RBFOX1: variants seen among roughly 807,000 people sequenced by gnomAD.
The protein encoded by RBFOX1 is RNA binding protein fox-1 homolog 1.
RBFOX1 carries 8 observed loss-of-function variants against 57.7 expected under a neutral mutation model. That is an observed-to-expected ratio of 0.14 (90% confidence interval 0.08 to 0.25). The LOEUF is 0.25. RBFOX1 is among the 10% of genes least tolerant of loss of function. The pLI is 1.00. For synonymous variants in RBFOX1, 326 were observed against 222.4 expected, an observed-to-expected ratio of 1.47 and a Z score of -4.15; for missense variants, 611 against 548.5, an observed-to-expected ratio of 1.11 and a Z score of -1.14.
chr16:6,940,777 TGTGTGTGTGTGTGTGTGTGTG>T (rs2078257801), intron 3 of RBFOX1, among the ~76,000 whole-genome samples: 1 of 109,258 alleles, frequency 9.2e-6, no homozygotes, highest in South Asian at 3.7e-4. Flanking sequence ...TGTGTGTGTG[TGTGTGTGTGTGTGTGTGTGTG>T]TGTGTGTGTG....
intron 3 of RBFOX1, among the ~76,000 whole-genome samples, chr16:5,627,934 G>A (rs1567317619): frequency 6.6e-6 from 1 of 152,182 alleles, no homozygotes; most frequent in African/African-American, 2.4e-5. Context: ...AAATGATTGT[G>A]CCTAATTAAA....
At chr16:7,222,011 A>G (rs911994023) in intron 4 of RBFOX1, among the ~76,000 whole-genome samples, 5 of 152,356 alleles carry the variant, frequency 3.3e-5, no homozygotes, top group African/African-American at 7.2e-5. Context: ...TTTTACCATT[A>G]TTAGCCAGCC....
chr16:5,527,221 G>A (rs1006496598), intron 2 of RBFOX1, among the ~76,000 whole-genome samples: 8 of 152,132 alleles, frequency 5.3e-5, no homozygotes, highest in South Asian at 2.1e-4. Flanking sequence ...ATGAGGACCC[G>A]CGATGGGCCC....
At chr16:7,058,853 C>T (rs150124426) in intron 4 of RBFOX1, among the ~76,000 whole-genome samples, 1 of 151,996 alleles carries the variant, frequency 6.6e-6, no homozygotes, top group Non-Finnish European at 1.5e-5. Context: ...AAATGGGTTG[C>T]TTTAAAGATA....
intron 1 of RBFOX1, among the ~76,000 whole-genome samples, chr16:6,239,143 C>T (rs1456562098): frequency 6.6e-6 from 1 of 152,140 alleles, no homozygotes; most frequent in Non-Finnish European, 1.5e-5. Context: ...ACACTGTCCA[C>T]CATCATGTCG....
At chr16:6,587,169 T>G (rs1302577884) in intron 2 of RBFOX1, among the ~76,000 whole-genome samples, 3 of 152,198 alleles carry the variant, frequency 2.0e-5, no homozygotes, top group African/African-American at 7.2e-5. Context: ...CATTGACTAA[T>G]GTCTCCCCAG....
chr16:7,624,029 G>A (rs2059706738), intron 10 of RBFOX1, among the ~76,000 whole-genome samples: 3 of 152,326 alleles, frequency 2.0e-5, no homozygotes, highest in South Asian at 2.1e-4. Context: ...ATGAGTGACA[G>A]TGTAGGAACC....
chr16:6,169,801 A>G (rs1195053750), intron 1 of RBFOX1, among the ~76,000 whole-genome samples: 2 of 151,852 alleles, frequency 1.3e-5, no homozygotes, highest in African/African-American at 2.4e-5. Flanking sequence ...GTCTCCCTCT[A>G]TCACCCAGGC....
chr16:6,650,964 A>G lies in RBFOX1; in HGVS notation c.-63-3639A>G, dbSNP rs555665655. On this transcript the variant is annotated intron_variant, in intron 2 of 15. Transcript: ENST00000550418. Reference sequence around the variant, plus strand: ...GTTGCCCAGGCTGAAGTGCAATGGCATGATCCCGGCTTACTGCATCCTCCG... The same window carrying G: ...GTTGCCCAGGCTGAAGTGCAATGGCGTGATCCCGGCTTACTGCATCCTCCG... Among the ~76,000 whole-genome samples the G allele has an allele frequency of 2.7e-4, 41 of 152,270 alleles. No homozygotes were observed. In the East Asian group the frequency reaches 7.4e-3, roughly 27 times the overall value.
intron 3 of RBFOX1, among the ~76,000 whole-genome samples, chr16:5,822,123 A>G (rs1169582614): frequency 6.6e-6 from 1 of 152,262 alleles, no homozygotes; most frequent in Admixed American, 6.5e-5. Flanking sequence ...ATGAATTAAC[A>G]GCATTTGCAA....
rs1163862702 is a variant in RBFOX1, at chr16:7,006,550, AG to A, written c.-15-45506del. 2.1e-4 allele frequency among the ~76,000 whole-genome samples: 32 copies of A among 152,094 alleles called. 1 individual carries two copies. The highest frequency in any genetic ancestry group is 6.5e-4 in the African/African-American group (27 of 41,424). ...CTGTAGCCTCGAACTCCTGGGCTCA[AG>A]CAGTCCTCCCACCTCACCTTCCTGA... is the stretch of plus-strand genomic sequence containing the variant. On this transcript the variant is annotated intron_variant, in intron 3 of 15. Transcript: ENST00000550418.
At chr16:7,308,307 T>C (rs2096240052) in intron 4 of RBFOX1, among the ~76,000 whole-genome samples, 1 of 151,436 alleles carries the variant, frequency 6.6e-6, no homozygotes, top group Non-Finnish European at 1.5e-5. Flanking sequence ...GTTTTTTTTT[T>C]TTTCCACTGA....
At chr16:7,580,871 T>C (rs1205205219) in intron 6 of RBFOX1, among the ~76,000 whole-genome samples, 2 of 152,174 alleles carry the variant, frequency 1.3e-5, no homozygotes, top group Non-Finnish European at 1.5e-5. Context: ...AAGAACTACA[T>C]CCTTAACATT....
At chr16:6,656,945 T>C (rs144925410) in intron 3 of RBFOX1, among the ~76,000 whole-genome samples, 2,187 of 8,070 alleles carry the variant, frequency 0.27, 27 homozygotes, top group African/African-American at 0.33. Context: ...CTCCTCCCCT[T>C]TCCTCTCCTC....
intron 3 of RBFOX1, chr16:6,721,907 C>G (rs1568352042): frequency 6.5e-6 from 1 of 153,490 alleles, no homozygotes; most frequent in Non-Finnish European, 1.5e-5. Context: ...GAGACCTCAC[C>G]TGGCCTCTGC....
intron 3 of RBFOX1, among the ~76,000 whole-genome samples, chr16:6,935,149 A>G (rs73543248): frequency 4.3e-4 from 66 of 152,320 alleles, no homozygotes; most frequent in African/African-American, 1.5e-3. Flanking sequence ...ACCTTGAGCT[A>G]TATGCCTATC....
At position 6,562,880 on chromosome 16, in the gene RBFOX1, C is replaced by CTTTCTTTT. The variant is rs746999419; in HGVS notation, c.-63-91720_-63-91719insCTTTTTTT. On this transcript the variant is annotated intron_variant, in intron 2 of 15. Transcript: ENST00000550418. ...TCTTTCTTTCTTTCTTTCTTTCTTT[C>CTTTCTTTT]TTTTTTTTTTTTTTTTTTGCATAGT... is the stretch of plus-strand genomic sequence containing the variant. Among the ~76,000 whole-genome samples, 140 of 51,752 alleles carry CTTTCTTTT rather than the reference C, an allele frequency of 2.7e-3. 1 individual carries two copies. The highest frequency in any genetic ancestry group is 0.011 in the East Asian group (12 of 1,098). The allele number at this position is 51,752 out of a possible 152,430, so 34.0% of individuals were successfully genotyped here.
chr16:6,423,341 G>A (rs1411668216), intron 2 of RBFOX1, among the ~76,000 whole-genome samples: 2 of 152,204 alleles, frequency 1.3e-5, no homozygotes, highest in African/African-American at 2.4e-5. Context: ...GCTCAGGCCT[G>A]TAATCCCAGC....
chr16:6,075,777 A>G (rs1177118695), intron 1 of RBFOX1, among the ~76,000 whole-genome samples: 1 of 152,212 alleles, frequency 6.6e-6, no homozygotes, highest in African/African-American at 2.4e-5. Context: ...ATCGGTCTCC[A>G]TGTCGTGGAC....
Sources: allele counts gnomAD v4.1 joint callset (sites outside exome capture counted in the v4.1 genomes callset), GRCh38; gene constraint gnomAD v4.1.1; transcripts MANE v1.5; gene names NCBI Gene and HGNC (gene_info 2026-07-23, HGNC 2026-07-21).